Variants in EYS observed in about 807,000 individuals in gnomAD.
The protein encoded by EYS is EGF-like photoreceptor maintenance factor, also known as protein eyes shut homolog.
Under a neutral mutation model 282.1 loss-of-function variants are expected in EYS, and 250 were observed. The ratio of observed to expected loss-of-function variants is 0.89; its 90% CI spans 0.80 to 0.98. The LOEUF (loss-of-function observed/expected upper bound fraction) is 0.98. Among genes scored for constraint, EYS ranks in the 50% least tolerant of loss-of-function variants. The pLI is 0.00. For missense variants in EYS, 4,016 were observed against 3,709.0 expected (o/e 1.08, Z -2.15); for synonymous variants, 1,355 against 1,282.9 (o/e 1.06, Z -1.20).
chr6:64,326,525 C>A (rs1241623097), intron 29 of EYS, among the ~76,000 whole-genome samples: 2 of 152,292 alleles, frequency 1.3e-5, no homozygotes, highest in Non-Finnish European at 2.9e-5. Context: ...ACTTTCTGGA[C>A]AAATGTCTGG....
chr6:64,150,452 G>A (rs1159854193), intron 31 of EYS, among the ~76,000 whole-genome samples: 1 of 152,096 alleles, frequency 6.6e-6, no homozygotes, highest in Admixed American at 6.6e-5. Flanking sequence ...TAGAACTTGA[G>A]TTTCTAACAT....
intron 22 of EYS, among the ~76,000 whole-genome samples, chr6:64,636,317 C>A (rs1265563163): frequency 2.6e-5 from 4 of 152,130 alleles, no homozygotes; most frequent in Non-Finnish European, 5.9e-5. Flanking sequence ...TTTGACAAAT[C>A]TGACAAAAAC....
intron 29 of EYS, among the ~76,000 whole-genome samples, chr6:64,362,878 T>G (rs374329551): frequency 3.0e-4 from 45 of 150,356 alleles, no homozygotes; most frequent in African/African-American, 1.1e-3. Flanking sequence ...CTGTTAAAAT[T>G]TACATCATTC....
At chr6:65,264,605 A>G (rs1767703832) in intron 12 of EYS, among the ~76,000 whole-genome samples, 1 of 152,060 alleles carries the variant, frequency 6.6e-6, no homozygotes, top group Non-Finnish European at 1.5e-5. Context: ...ATCAAAAGAA[A>G]AATAGAAAAT....
chr6:64,181,642 T>G (rs191888154), intron 31 of EYS, among the ~76,000 whole-genome samples: 1 of 152,254 alleles, frequency 6.6e-6, no homozygotes, highest in East Asian at 1.9e-4. Context: ...ATTAGATTAC[T>G]TAATTATCAG....
intron 33 of EYS, among the ~76,000 whole-genome samples, chr6:64,024,018 CT>C (rs1562157675): frequency 6.6e-6 from 1 of 152,160 alleles, no homozygotes; most frequent in African/African-American, 2.4e-5. Context: ...GAGCCTCCCC[CT>C]CTCTCTGTGG....
intron 31 of EYS, among the ~76,000 whole-genome samples, chr6:64,092,037 T>G (rs1772382982): frequency 6.6e-6 from 1 of 152,212 alleles, no homozygotes; most frequent in African/African-American, 2.4e-5. Context: ...TTGCTGAGAA[T>G]GATGGTTTCC....
At chr6:64,468,782 T>G (rs1330806797) in intron 26 of EYS, among the ~76,000 whole-genome samples, 2 of 152,220 alleles carry the variant, frequency 1.3e-5, no homozygotes, top group Admixed American at 1.3e-4. Flanking sequence ...CGAGTTAGTT[T>G]GCTTAGAATA....
At chr6:64,764,239 C>A (rs563974029) in intron 22 of EYS, among the ~76,000 whole-genome samples, 41 of 152,254 alleles carry the variant, frequency 2.7e-4, no homozygotes, top group Non-Finnish European at 4.9e-4. Flanking sequence ...TTGCAGCTGA[C>A]TTCTGCCTAG....
intron 13 of EYS, among the ~76,000 whole-genome samples, chr6:65,050,862 A>G (rs903638595): frequency 1.3e-5 from 2 of 151,722 alleles, no homozygotes; most frequent in Non-Finnish European, 3.0e-5. Context: ...CCCTATCCAG[A>G]AAACAGCATT....
chr6:64,886,766 A>G lies in EYS; in HGVS notation c.2923T>C (p.Cys975Arg), dbSNP rs200164885. ...LDVNKCKISP[C>R]LDEENCVYRT... ...TAGACACAATTTTCTTCATCTAGAC[A>G]AGGTGAGATTTTACATTTATTTACA... The change falls in exon 19 of 43, where the codon TGT becomes CGT. Residue 975 changes from cysteine (C) to arginine (R), a missense_variant. Coordinates refer to ENST00000503581, the MANE Select transcript of EYS (RefSeq NM_001142800.2). The G allele has an allele frequency of 2.3e-5, 35 of 1,547,150 alleles. No individual in the cohort carries two copies. The highest frequency in any genetic ancestry group is 2.8e-5 in the Non-Finnish European group (32 of 1,144,154).
At chr6:64,974,485 A>G (rs761480222) in intron 14 of EYS, among the ~76,000 whole-genome samples, 7 of 151,148 alleles carry the variant, frequency 4.6e-5, no homozygotes, top group Admixed American at 2.6e-4. Context: ...TGCATTTTTA[A>G]CCCCATCAGG....
chr6:64,583,190 C>T (rs1458006741), intron 26 of EYS, among the ~76,000 whole-genome samples: 1 of 151,918 alleles, frequency 6.6e-6, no homozygotes, highest in Admixed American at 6.6e-5. Context: ...TGGACATCTT[C>T]TTTGGTGTTT....
chr6:65,125,149 G>A (rs998007065), intron 12 of EYS, among the ~76,000 whole-genome samples: 4 of 152,134 alleles, frequency 2.6e-5, no homozygotes, highest in Non-Finnish European at 5.9e-5. Context: ...TTAAAATAAT[G>A]GAAAATATTC....
At chr6:64,630,268 T>C (rs1443488073) in intron 22 of EYS, among the ~76,000 whole-genome samples, 1 of 151,996 alleles carries the variant, frequency 6.6e-6, no homozygotes, top group Non-Finnish European at 1.5e-5. Context: ...GCTATTTTAT[T>C]TTGTATTTTT....
chr6:65,129,540 T>A (rs1775808385), intron 12 of EYS, among the ~76,000 whole-genome samples: 1 of 151,782 alleles, frequency 6.6e-6, no homozygotes, highest in Non-Finnish European at 1.5e-5. Flanking sequence ...GACAGACTAG[T>A]AGCCAACAAA....
At chr6:65,464,286 A>G (rs959369227) in intron 5 of EYS, among the ~76,000 whole-genome samples, 1 of 152,168 alleles carries the variant, frequency 6.6e-6, no homozygotes, top group African/African-American at 2.4e-5. Context: ...GATTAGATAT[A>G]CAACTACAGG....
chr6:63,751,515 G>T (rs1161250999), intron 41 of EYS, among the ~76,000 whole-genome samples: 1 of 152,112 alleles, frequency 6.6e-6, no homozygotes, highest in Non-Finnish European at 1.5e-5. Flanking sequence ...ATCACAATAA[G>T]AATCTAATAG....
intron 2 of EYS, among the ~76,000 whole-genome samples, chr6:65,577,271 TA>T (rs994445537): frequency 4.3e-4 from 65 of 151,822 alleles, no homozygotes; most frequent in African/African-American, 1.5e-3. Flanking sequence ...ACTCCAAAAA[TA>T]AAATCCATGC....
Sources: gnomAD v4.1 joint callset for allele counts (sites outside exome capture counted in the v4.1 genomes callset) on GRCh38, gnomAD v4.1.1 for gene constraint, MANE v1.5 for transcripts, NCBI Gene and HGNC (gene_info 2026-07-23, HGNC 2026-07-21) for gene names.